Variants in MSH4 observed in about 807,000 individuals in gnomAD.
MSH4 encodes the protein mutS protein homolog 4.
MSH4 carries 106 observed loss-of-function variants against 113.7 expected under a neutral mutation model. That is an observed-to-expected ratio of 0.93 (90% confidence interval 0.80 to 1.10). MSH4 has a LOEUF of 1.10. Ranked by LOEUF, MSH4 falls within the 50% of genes least tolerant of loss-of-function variation. The pLI is 0.00. For missense variants in MSH4, 1,061 were observed against 1,093.7 expected, an observed-to-expected ratio of 0.97 and a Z score of 0.42; for synonymous variants, 368 against 380.2, an observed-to-expected ratio of 0.97 and a Z score of 0.37.
At chr1:75,839,520 T>A (rs1650905521) in intron 7 of MSH4, among the ~76,000 whole-genome samples, 1 of 152,312 alleles carries the variant, frequency 6.6e-6, no homozygotes. Flanking sequence ...TATGTCTTAA[T>A]GGTTTGTAAT....
chr1:75,912,897 T>C lies in MSH4; in HGVS notation c.*10T>C, dbSNP rs1026699785. The C allele has an allele frequency of 6.9e-7, 1 of 1,458,454 alleles. No individual in the cohort carries two copies. The highest frequency in any genetic ancestry group is 1.5e-5 in the South Asian group (1 of 64,942). The allele number at this position is 1,458,454 out of a possible 1,614,324, so 90.3% of individuals were successfully genotyped here. ...AAAGACTGAAGAATAATCACAATTC[T>C]AATGTAATAATATATCTTAATTCAA... On this transcript the variant is annotated 3_prime_UTR_variant, in exon 20 of 20. Transcript: ENST00000263187.
intron 7 of MSH4, among the ~76,000 whole-genome samples, chr1:75,839,147 TA>T (rs1395724525): frequency 6.6e-6 from 1 of 152,350 alleles, no homozygotes; most frequent in East Asian, 1.9e-4. Flanking sequence ...TTTAAGTTTT[TA>T]AATTCCTTAT....
intron 7 of MSH4, among the ~76,000 whole-genome samples, chr1:75,829,430 G>A (rs1424934715): frequency 1.3e-5 from 2 of 152,212 alleles, no homozygotes; most frequent in Admixed American, 1.3e-4. Flanking sequence ...CAGCTTTGAA[G>A]AGACTGGTGG....
intron 17 of MSH4, among the ~76,000 whole-genome samples, chr1:75,895,242 CT>C (rs1652345968): frequency 6.6e-6 from 1 of 152,106 alleles, no homozygotes; most frequent in Non-Finnish European, 1.5e-5. Context: ...GGAAATTGGA[CT>C]ACTACTCCAC....
intron 5 of MSH4, among the ~76,000 whole-genome samples, chr1:75,815,845 C>T (rs768900017): frequency 6.6e-6 from 1 of 151,816 alleles, no homozygotes; most frequent in Non-Finnish European, 1.5e-5. Context: ...CCATCTCTAC[C>T]AAAAATACAA....
chr1:75,903,318 G>T (rs1245611391), intron 19 of MSH4, among the ~76,000 whole-genome samples: 1 of 151,808 alleles, frequency 6.6e-6, no homozygotes, highest in East Asian at 1.9e-4. Flanking sequence ...TTGGTATCTT[G>T]TTGAAAATGA....
chr1:75,876,845 A>G (rs992107297), intron 9 of MSH4, 91 bp from the exon 10 acceptor site: 3 of 607,652 alleles, frequency 4.9e-6, no homozygotes, highest in Non-Finnish European at 8.0e-6. Flanking sequence ...AGCACTTGGT[A>G]AACTATAAAG....
chr1:75,856,595 T>C (rs1002421686), intron 8 of MSH4, among the ~76,000 whole-genome samples: 12 of 152,216 alleles, frequency 7.9e-5, no homozygotes, highest in African/African-American at 1.7e-4. Context: ...GCTTCATCCA[T>C]GTCCCTGCAA....
At chr1:75,901,744 A>G (rs1213536610) in intron 19 of MSH4, among the ~76,000 whole-genome samples, 3 of 152,086 alleles carry the variant, frequency 2.0e-5, no homozygotes, top group Non-Finnish European at 4.4e-5. Context: ...GCTATTTTTC[A>G]TAGTGGCAAT....
intron 7 of MSH4, among the ~76,000 whole-genome samples, chr1:75,827,164 A>G (rs1288982207): frequency 6.6e-6 from 1 of 152,178 alleles, no homozygotes; most frequent in Non-Finnish European, 1.5e-5. Flanking sequence ...TACAAGCAAG[A>G]AGAGAGTGGG....
Position 75,815,727 on chromosome 1 carries a change from G to A in MSH4, c.815+591G>A, listed in dbSNP as rs566961114. 1.1e-4 allele frequency among the ~76,000 whole-genome samples: 17 copies of A among 152,106 alleles called. No homozygotes were observed. In the South Asian group the frequency reaches 2.9e-3, roughly 26 times the overall value. On this transcript the variant is annotated intron_variant, in intron 5 of 19. Coordinates refer to ENST00000263187, the MANE Select transcript of MSH4 (RefSeq NM_002440.4). ...CTGTACATTGAGATCTGATTCTACC[G>A]TTAAAGTACCGGATTTTTCCAGGCT...
chr1:75,810,031 A>G (rs934769207), intron 3 of MSH4, among the ~76,000 whole-genome samples: 3 of 152,118 alleles, frequency 2.0e-5, no homozygotes, highest in Non-Finnish European at 4.4e-5. Flanking sequence ...TTATTTAAAA[A>G]CAATTTTATT....
chr1:75,823,763 G>A (rs1218207944), intron 7 of MSH4, among the ~76,000 whole-genome samples: 1 of 152,130 alleles, frequency 6.6e-6, no homozygotes, highest in African/African-American at 2.4e-5. Context: ...TGCTGAGGAT[G>A]ACGGTTCCCA....
At chr1:75,810,393 A>G (rs1374238658) in intron 3 of MSH4, among the ~76,000 whole-genome samples, 1 of 146,830 alleles carries the variant, frequency 6.8e-6, no homozygotes, top group Non-Finnish European at 1.5e-5. Context: ...ATGCACCACC[A>G]TGCTCGGGTA....
chr1:75,824,740 A>T (rs1486504707), intron 7 of MSH4, among the ~76,000 whole-genome samples: 1 of 152,068 alleles, frequency 6.6e-6, no homozygotes, highest in African/African-American at 2.4e-5. Context: ...TCCTTTCCCC[A>T]TTGCTTGCTT....
chr1:75,841,329 CTA>C (rs1261877161), intron 7 of MSH4, among the ~76,000 whole-genome samples: 1 of 151,994 alleles, frequency 6.6e-6, no homozygotes, highest in African/African-American at 2.4e-5. Flanking sequence ...TCTTGAGAAG[CTA>C]TGTCTACAGG....
At chr1:75,908,838 C>T (rs1652726354) in intron 19 of MSH4, among the ~76,000 whole-genome samples, 1 of 152,138 alleles carries the variant, frequency 6.6e-6, no homozygotes, top group Admixed American at 6.6e-5. Flanking sequence ...TTCCTCAGCT[C>T]TGGCAAATGT....
intron 7 of MSH4, among the ~76,000 whole-genome samples, chr1:75,834,429 G>A (rs79407596): frequency 0.073 from 11,085 of 152,076 alleles, 704 homozygotes; most frequent in East Asian, 0.27. Context: ...CCCATTACTG[G>A]GCATATACCC....
chr1:75,874,787 C>G (rs1265740629), intron 9 of MSH4, among the ~76,000 whole-genome samples: 1 of 152,096 alleles, frequency 6.6e-6, no homozygotes. Flanking sequence ...TTGTAGGATT[C>G]CATATGTCAA....
Sources: gnomAD v4.1 joint callset for allele counts (sites outside exome capture counted in the v4.1 genomes callset) on GRCh38, gnomAD v4.1.1 for gene constraint, MANE v1.5 for transcripts, NCBI Gene and HGNC (gene_info 2026-07-23, HGNC 2026-07-21) for gene names.